The following DGKG variants were observed in gnomAD, a reference collection of about 807,000 sequenced individuals.
DGKG encodes the protein DAG kinase gamma.
In DGKG, 78 loss-of-function variants were observed where a neutral mutation model predicts 105.3. The ratio of observed to expected loss-of-function variants is 0.74; its 90% CI spans 0.62 to 0.89. The LOEUF (loss-of-function observed/expected upper bound fraction) is 0.89, where lower values mean the gene tolerates loss of function less well. DGKG is among the 40% of genes least tolerant of loss of function. The pLI is 0.00. For missense variants in DGKG, 958 were observed against 1,020.1 expected (o/e 0.94, Z 0.83); for synonymous variants, 346 against 367.1 (o/e 0.94, Z 0.66).
At chr3:186,174,540 A>C (rs560805515) in intron 22 of DGKG, among the ~76,000 whole-genome samples, 41 of 152,262 alleles carry the variant, frequency 2.7e-4, no homozygotes, top group Admixed American at 9.8e-4. Context: ...ATTTAGGGTG[A>C]CTTGCCCCTC....
At chr3:186,225,585 T>G (rs1159694084) in intron 20 of DGKG, among the ~76,000 whole-genome samples, 1 of 152,100 alleles carries the variant, frequency 6.6e-6, no homozygotes, top group Non-Finnish European at 1.5e-5. Context: ...TCTTGAGAAA[T>G]CAGATCTGTT....
chr3:186,328,920 A>T (rs940729836), intron 1 of DGKG, among the ~76,000 whole-genome samples: 1 of 152,134 alleles, frequency 6.6e-6, no homozygotes, highest in Non-Finnish European at 1.5e-5. Context: ...TTAGGGGCCT[A>T]AAACATTGCC....
In DGKG at chr3:186,260,591, A is replaced by G. The variant is rs183247548; in HGVS notation, c.1350-78T>C. 4.5e-6 allele frequency: 5 copies of G among 1,122,908 alleles called. No individual in the cohort carries two copies. In the East Asian group the frequency reaches 1.2e-4, roughly 27 times the overall value. 69.6% of individuals were successfully genotyped at this position (1,122,908 alleles called of 1,614,324 possible). A position where few individuals can be genotyped will look rare whatever the true frequency, so the allele number is the denominator to read the frequency against. On this transcript the variant is annotated intron_variant, in intron 15 of 24. Transcript: ENST00000265022. ...TCATCGTGAGAAGTCACATTAGGGC[A>G]AACACCTCTGGAGCCCACTGGTGGC... is the stretch of plus-strand genomic sequence containing the variant.
intron 20 of DGKG, among the ~76,000 whole-genome samples, chr3:186,232,058 G>C (rs1720177871): frequency 6.6e-6 from 1 of 152,208 alleles, no homozygotes; most frequent in Admixed American, 6.5e-5. Context: ...CCAGAATCGT[G>C]TTGAAAGGAT....
intron 1 of DGKG, among the ~76,000 whole-genome samples, chr3:186,323,938 A>G (rs1179079190): frequency 1.4e-5 from 1 of 70,082 alleles, no homozygotes; most frequent in Non-Finnish European, 3.5e-5. Flanking sequence ...CTCCGTCTCA[A>G]AAAAAAAAAA....
At chr3:186,252,472 C>T (rs1721271632) in intron 18 of DGKG, among the ~76,000 whole-genome samples, 1 of 152,230 alleles carries the variant, frequency 6.6e-6, no homozygotes. Flanking sequence ...CTGAACTTCT[C>T]CATTTTCTGG....
At position 186,275,653 on chromosome 3, in the gene DGKG, C is replaced by G; in HGVS notation, c.804G>C (p.Gly268=). The G allele has an allele frequency of 6.2e-7, 1 of 1,613,582 alleles. No individual in the cohort carries two copies. The highest frequency in any genetic ancestry group is 8.5e-7 in the Non-Finnish European group (1 of 1,179,872). ...LLGMDDSGSK[G]DGRHAWTMKH... is the part of the protein sequence containing the mutation. ...TCATGGTCCAGGCGTGCCGCCCATC[C>G]CCCTTGGAGCCCTGCAGGGGTAATA... Residue 268 remains glycine, a synonymous_variant, in exon 10 of 25, where the codon GGG becomes GGC. Coordinates refer to ENST00000265022, the MANE Select transcript of DGKG (RefSeq NM_001346.3).
chr3:186,329,389 A>C (rs1031721043), intron 1 of DGKG, among the ~76,000 whole-genome samples: 1 of 152,212 alleles, frequency 6.6e-6, no homozygotes, highest in South Asian at 2.1e-4. Context: ...ATCACAAGTC[A>C]GGAGGAAGAA....
chr3:186,260,563 A>C, intron 15 of DGKG, 50 bp from the exon 16 acceptor site: 2 of 1,384,854 alleles, frequency 1.4e-6, no homozygotes, highest in Non-Finnish European at 2.0e-6. Context: ...GAGAAGGAAT[A>C]TGTCATCGTG....
chr3:186,321,025 T>C (rs1368430906), intron 1 of DGKG, among the ~76,000 whole-genome samples: 2 of 152,214 alleles, frequency 1.3e-5, no homozygotes, highest in African/African-American at 2.4e-5. Flanking sequence ...ATTGGATGCT[T>C]CATGAGTAAT....
chr3:186,354,022 C>T (rs1163920840), intron 1 of DGKG, among the ~76,000 whole-genome samples: 1 of 152,128 alleles, frequency 6.6e-6, no homozygotes, highest in African/African-American at 2.4e-5. Flanking sequence ...AGGGAAGAGA[C>T]TGACTTCCAC....
At chr3:186,295,026 G>A (rs752127292) in intron 5 of DGKG, among the ~76,000 whole-genome samples, 13 of 152,108 alleles carry the variant, frequency 8.5e-5, no homozygotes, top group Non-Finnish European at 1.3e-4. Context: ...ATCATGACCT[G>A]TTTATCTCAC....
intron 14 of DGKG, among the ~76,000 whole-genome samples, chr3:186,264,109 C>T (rs1721923921): frequency 3.3e-5 from 5 of 152,190 alleles, no homozygotes; most frequent in Admixed American, 1.3e-4. Context: ...CAAGACAACC[C>T]GATGGCTGCC....
intron 2 of DGKG, among the ~76,000 whole-genome samples, chr3:186,310,500 T>C (rs1679069977): frequency 6.6e-6 from 1 of 152,174 alleles, no homozygotes; most frequent in Non-Finnish European, 1.5e-5. Flanking sequence ...AGTTTTCTTC[T>C]TAATAGATGT....
chr3:186,299,840 T>TTCTTTCTTTC (rs1723826708), intron 3 of DGKG, among the ~76,000 whole-genome samples: 2 of 80,726 alleles, frequency 2.5e-5, no homozygotes, highest in Admixed American at 1.3e-4. Flanking sequence ...TTTCTTTCTT[T>TTCTTTCTTTC]TTTTTTTTTT....
rs1720125685 is a variant in DGKG, at chr3:186,231,041, C to A, written c.1826+11463G>T. On this transcript the variant is annotated intron_variant, in intron 20 of 24. Transcript: ENST00000265022. This position sits in a 1 kb window ranked among gnomAD's most constrained non-coding sequence, Gnocchi z 4.5. ...TCCTGCTCCCATCCAAAAGAGAATTCTTTACTTTTAGAGCACATTTTTTCC... is the reference window on the plus strand; with the variant it reads ...TCCTGCTCCCATCCAAAAGAGAATTATTTACTTTTAGAGCACATTTTTTCC... Among the ~76,000 whole-genome samples, 1 of 152,154 alleles carries A rather than the reference C, an allele frequency of 6.6e-6. No individual in the cohort carries two copies. The highest frequency in any genetic ancestry group is 6.5e-5 in the Admixed American group (1 of 15,280).
chr3:186,162,129 C>G (rs1716321322), intron 23 of DGKG, among the ~76,000 whole-genome samples: 1 of 152,234 alleles, frequency 6.6e-6, no homozygotes, highest in Non-Finnish European at 1.5e-5. Flanking sequence ...CTCCCGACCT[C>G]AGGTGATCCG....
At chr3:186,273,367 CTTT>C (rs375667915) in intron 10 of DGKG, among the ~76,000 whole-genome samples, 7 of 85,598 alleles carry the variant, frequency 8.2e-5, no homozygotes, top group African/African-American at 2.4e-4. Flanking sequence ...TGTTGTACCC[CTTT>C]TTTTTTTTTT....
chr3:186,153,598 TA>T (rs921404613), intron 24 of DGKG, among the ~76,000 whole-genome samples: 1 of 152,190 alleles, frequency 6.6e-6, no homozygotes, highest in African/African-American at 2.4e-5. Flanking sequence ...ATTTCCCCTT[TA>T]AAATAGAATA....
Sources: gnomAD v4.1 joint callset for allele counts (sites outside exome capture counted in the v4.1 genomes callset) on GRCh38, gnomAD v4.1.1 for gene constraint, Gnocchi (gnomAD v3.1) non-coding constraint, MANE v1.5 for transcripts, NCBI Gene and HGNC (gene_info 2026-07-23, HGNC 2026-07-21) for gene names.